The following CAGE1 variants were observed in gnomAD, a reference collection of about 807,000 sequenced individuals.
CAGE1 encodes the protein cancer antigen 1.
CAGE1 carries 66 observed loss-of-function variants against 94.9 expected under a neutral mutation model. That is an observed-to-expected ratio of 0.70 (90% CI 0.57 to 0.85). The LOEUF (loss-of-function observed/expected upper bound fraction) is 0.85, where lower values mean the gene tolerates loss of function less well. Among genes scored for constraint, CAGE1 ranks in the 40% least tolerant of loss-of-function variants. CAGE1 has a pLI of 0.00. For synonymous variants in CAGE1, 319 were observed against 321.0 expected, an observed-to-expected ratio of 0.99 and a Z score of 0.07; for missense variants, 865 against 950.4, an observed-to-expected ratio of 0.91 and a Z score of 1.18.
At chr6:7,328,824 A>G (rs907748685) in intron 13 of CAGE1, among the ~76,000 whole-genome samples, 1 of 150,124 alleles carries the variant, frequency 6.7e-6, no homozygotes, top group Non-Finnish European at 1.5e-5. Flanking sequence ...CACTGATGTA[A>G]TCATCACACA....
At chr6:7,389,175 C>A (rs1363962223) in intron 1 of CAGE1, 27 bp downstream of exon 1, 16 of 437,414 alleles carry the variant, frequency 3.7e-5, no homozygotes, top group Non-Finnish European at 1.8e-5. Flanking sequence ...TGTTTAAAAG[C>A]TTTTTCAGTT....
chr6:7,331,329 A>C, intron 12 of CAGE1: 1 of 1,045,946 alleles, frequency 9.6e-7, no homozygotes, highest in Non-Finnish European at 1.4e-6. Context: ...CAAACAAAAG[A>C]GACCCGTAAG....
At chr6:7,347,539 T>G in intron 11 of CAGE1, 2 of 145,342 alleles carry the variant, frequency 1.4e-5, no homozygotes, top group Admixed American at 6.8e-5. Context: ...GGGGGAACTT[T>G]GTAACAATTT....
At chr6:7,334,369 T>G (rs1211841819) in intron 11 of CAGE1, among the ~76,000 whole-genome samples, 3 of 152,162 alleles carry the variant, frequency 2.0e-5, no homozygotes, top group African/African-American at 7.2e-5. Flanking sequence ...GCTTACACAG[T>G]GGTTTACTCA....
At chr6:7,360,949 AAAAC>A (rs1303359939) in intron 9 of CAGE1, among the ~76,000 whole-genome samples, 2 of 152,174 alleles carry the variant, frequency 1.3e-5, no homozygotes, top group African/African-American at 2.4e-5. Flanking sequence ...TCTGTCTCAA[AAAAC>A]AAACAAACAA....
rs930938568 is a variant in CAGE1, at chr6:7,341,526, AG to A, written c.2370-7437del. 2.0e-5 allele frequency: 25 copies of A among 1,228,156 alleles called. 1 individual carries two copies. The Admixed American group carries it at 2.9e-4, about 14-fold the overall frequency. 76.1% of individuals were successfully genotyped at this position (1,228,156 alleles called of 1,614,324 possible). ...AGTAGATGTCACCCAGAAGATTCTG[AG>A]GGTTGATTAGCACAAGGCCTCGGAC... On this transcript the variant is annotated intron_variant, in intron 11 of 13. Coordinates refer to ENST00000502583, the MANE Select transcript of CAGE1 (RefSeq NM_001170692.2).
In CAGE1 at chr6:7,333,642, CTATATATATATATA is replaced by C. The variant is rs773887819; in HGVS notation, c.2438+366_2438+379del. Among the ~76,000 whole-genome samples, 431 of 121,498 alleles carry C rather than the reference CTATATATATATATA, an allele frequency of 3.5e-3. 4 individuals are homozygous for C. The highest frequency in any genetic ancestry group is 0.014 in the South Asian group (50 of 3,648). The allele number at this position is 121,498 out of a possible 152,430, so 79.7% of individuals were successfully genotyped here. A position where few individuals can be genotyped will look rare whatever the true frequency, so the allele number is the denominator to read the frequency against. On this transcript the variant is annotated intron_variant, in intron 12 of 13. Transcript: ENST00000502583. ...ATTATCTAACTATCTATCTAACTAT[CTATATATATATATA>C]TATATATATATATATATACATTTTT...
chr6:7,355,115 GA>G lies in CAGE1; in HGVS notation c.2299-5del, dbSNP rs202053093. 4 of 1,584,420 alleles carry G rather than the reference GA, an allele frequency of 2.5e-6. No homozygotes were observed. Among genetic ancestry groups the G allele is most frequent in the African/African-American group, 1.4e-5 (1 of 74,004 alleles). ...TGATTTCTTCATATGATGTAACCTT[GA>G]AAAAAATAAGCTAAACCAATTATTT... On this transcript the variant is annotated splice_polypyrimidine_tract_variant and splice_region_variant and intron_variant, in intron 10 of 13. Coordinates refer to ENST00000502583, the MANE Select transcript of CAGE1 (RefSeq NM_001170692.2).
intron 11 of CAGE1, among the ~76,000 whole-genome samples, chr6:7,337,997 T>C (rs1265662386): frequency 2.0e-5 from 3 of 152,248 alleles, no homozygotes; most frequent in African/African-American, 7.2e-5. Context: ...TTTTTCTCAA[T>C]GATGTTTTGT....
At position 7,373,610 on chromosome 6, in the gene CAGE1, C is replaced by T. The variant is rs377197409; in HGVS notation, c.1209G>A (p.Lys403=). The change falls in exon 5 of 14, where the codon AAG becomes AAA. Residue 403 remains lysine (K), a synonymous_variant. Coordinates refer to ENST00000502583, the MANE Select transcript of CAGE1 (RefSeq NM_001170692.2). ...QKHLQESRND[K]EMLQLQFKKI... ...TCTTAAATTGAAGCTGTAACATTTCCTTGTCATTCCTGGATTCCTGAAGAT... is the reference window on the plus strand; with the variant it reads ...TCTTAAATTGAAGCTGTAACATTTCTTTGTCATTCCTGGATTCCTGAAGAT... 1.4e-4 allele frequency: 218 copies of T among 1,613,242 alleles called. No individual in the cohort carries two copies. The highest frequency in any genetic ancestry group is 1.7e-4 in the Non-Finnish European group (205 of 1,179,792).
chr6:7,361,346 T>C (rs1020812820), intron 9 of CAGE1, among the ~76,000 whole-genome samples: 1 of 152,130 alleles, frequency 6.6e-6, no homozygotes, highest in Non-Finnish European at 1.5e-5. Flanking sequence ...AGAAAGTATG[T>C]TCCAAGCAGC....
intron 11 of CAGE1, among the ~76,000 whole-genome samples, chr6:7,345,625 C>T (rs866784684): frequency 1.8e-4 from 28 of 152,118 alleles, no homozygotes; most frequent in African/African-American, 6.5e-4. Flanking sequence ...ACGTCTAAGG[C>T]CTGTGAACGG....
At chr6:7,359,015 C>T (rs978358495) in intron 9 of CAGE1, among the ~76,000 whole-genome samples, 3 of 152,134 alleles carry the variant, frequency 2.0e-5, no homozygotes, top group Non-Finnish European at 4.4e-5. Flanking sequence ...CATTCTAAAA[C>T]GGGTGAGTGG....
intron 11 of CAGE1, among the ~76,000 whole-genome samples, chr6:7,352,297 A>AAAAAAC (rs1759801782): frequency 8.4e-6 from 1 of 118,626 alleles, no homozygotes; most frequent in Non-Finnish European, 1.7e-5. Flanking sequence ...CTGCAAAAAA[A>AAAAAAC]AAAAAAAACA....
intron 11 of CAGE1, among the ~76,000 whole-genome samples, chr6:7,336,806 A>C (rs1758967768): frequency 6.6e-6 from 1 of 152,136 alleles, no homozygotes; most frequent in African/African-American, 2.4e-5. Flanking sequence ...CACCGCACGC[A>C]GCTGACATGA....
intron 3 of CAGE1, among the ~76,000 whole-genome samples, chr6:7,381,621 T>C (rs1266869555): frequency 6.7e-6 from 1 of 150,302 alleles, no homozygotes; most frequent in Non-Finnish European, 1.5e-5. Flanking sequence ...CTCCACCTCC[T>C]GGGTTCAAGC....
chr6:7,337,538 G>C (rs1019083307), intron 11 of CAGE1, among the ~76,000 whole-genome samples: 2 of 151,998 alleles, frequency 1.3e-5, no homozygotes, highest in Admixed American at 6.6e-5. Flanking sequence ...AGTTTACTTC[G>C]TATGTGGTGG....
At chr6:7,342,251 T>C (rs1181564084) in intron 11 of CAGE1, among the ~76,000 whole-genome samples, 1 of 152,204 alleles carries the variant, frequency 6.6e-6, no homozygotes, top group Non-Finnish European at 1.5e-5. Context: ...AGGCCACTTA[T>C]GGCCCCAGAC....
intron 7 of CAGE1, among the ~76,000 whole-genome samples, chr6:7,367,585 T>G (rs975654833): frequency 2.0e-4 from 30 of 152,118 alleles, no homozygotes; most frequent in African/African-American, 6.8e-4. Context: ...TGAAATTGTA[T>G]TTTTGTAACA....
Sources: allele counts gnomAD v4.1 joint callset (sites outside exome capture counted in the v4.1 genomes callset), GRCh38; gene constraint gnomAD v4.1.1; transcripts MANE v1.5; gene names NCBI Gene and HGNC (gene_info 2026-07-23, HGNC 2026-07-21).